The following ADAMTS16 variants were observed in gnomAD, a reference collection of about 807,000 sequenced individuals.
ADAMTS16 encodes the protein A disintegrin and metalloproteinase with thrombospondin motifs 16.
Under a neutral mutation model 145.8 loss-of-function variants are expected in ADAMTS16, and 94 were observed. That is an observed-to-expected ratio of 0.64 (90% CI 0.55 to 0.77). ADAMTS16 has a LOEUF of 0.77. ADAMTS16 is among the 30% of genes least tolerant of loss of function. ADAMTS16 has a pLI of 0.00. For synonymous variants in ADAMTS16, 659 were observed against 604.3 expected (o/e 1.09, Z -1.33); for missense variants, 1,585 against 1,591.5 (o/e 1.00, Z 0.07).
rs1252116720 is a variant in ADAMTS16 at position 5,216,363 on chromosome 5, G to A, written c.1606-6426G>A. 2.7e-5 allele frequency among the ~76,000 whole-genome samples: 4 copies of A among 148,924 alleles called. No individual in the cohort carries two copies. In the East Asian group the frequency reaches 8.0e-4, roughly 30 times the overall value. On this transcript the variant is annotated intron_variant, in intron 10 of 22. Coordinates refer to ENST00000274181, the MANE Select transcript of ADAMTS16 (RefSeq NM_139056.4). Reference sequence around the variant, plus strand: ...CTTCTTTTGAGAATTGTCTATTCATGTCCTTAGCCCATTTTTTTTTTCTTA... The same window carrying A: ...CTTCTTTTGAGAATTGTCTATTCATATCCTTAGCCCATTTTTTTTTTCTTA...
At chr5:5,198,698 T>C (rs528084999) in intron 8 of ADAMTS16, among the ~76,000 whole-genome samples, 23 of 152,216 alleles carry the variant, frequency 1.5e-4, no homozygotes, top group Non-Finnish European at 2.9e-4. Context: ...TTACTATATT[T>C]ACTAGTAATA....
intron 3 of ADAMTS16, among the ~76,000 whole-genome samples, chr5:5,162,371 A>G (rs1237885412): frequency 3.9e-5 from 6 of 152,190 alleles, no homozygotes; most frequent in African/African-American, 1.4e-4. Context: ...ACATCTAACA[A>G]GGGTGAGAGC....
intron 3 of ADAMTS16, among the ~76,000 whole-genome samples, chr5:5,150,702 T>A (rs1734428507): frequency 6.6e-6 from 1 of 152,226 alleles, no homozygotes; most frequent in Non-Finnish European, 1.5e-5. Flanking sequence ...CATTTTGCAG[T>A]CATTCTTGAG....
At chr5:5,315,674 G>A (rs1350105114) in intron 21 of ADAMTS16, among the ~76,000 whole-genome samples, 1 of 152,210 alleles carries the variant, frequency 6.6e-6, no homozygotes, top group East Asian at 1.9e-4. Flanking sequence ...TGTGAGCTAA[G>A]AGGGTGTCTG....
At chr5:5,173,144 G>C (rs1735091994) in intron 3 of ADAMTS16, among the ~76,000 whole-genome samples, 1 of 147,922 alleles carries the variant, frequency 6.8e-6, no homozygotes, top group Non-Finnish European at 1.5e-5. Flanking sequence ...GACTATAGGT[G>C]AAATTACTTG....
At chr5:5,240,702 G>A (rs1247863435) in intron 16 of ADAMTS16, among the ~76,000 whole-genome samples, 2 of 152,104 alleles carry the variant, frequency 1.3e-5, no homozygotes, top group African/African-American at 2.4e-5. Context: ...CGTCTTCCTG[G>A]GAGATGCCTC....
intron 3 of ADAMTS16, among the ~76,000 whole-genome samples, chr5:5,147,304 G>A (rs984300039): frequency 1.3e-5 from 2 of 152,134 alleles, no homozygotes; most frequent in African/African-American, 4.8e-5. Context: ...AAGGTCTTGA[G>A]GATGTTAAAG....
chr5:5,235,493 G>A (rs1258856646), intron 13 of ADAMTS16, among the ~76,000 whole-genome samples: 1 of 152,122 alleles, frequency 6.6e-6, no homozygotes, highest in African/African-American at 2.4e-5. Context: ...AATTGAATCA[G>A]TATGTTTTTG....
At chr5:5,288,545 G>A (rs1043096129) in intron 18 of ADAMTS16, among the ~76,000 whole-genome samples, 2 of 152,086 alleles carry the variant, frequency 1.3e-5, no homozygotes, top group Non-Finnish European at 2.9e-5. Context: ...AAACTTCTCC[G>A]AGTAGATAAT....
At chr5:5,205,621 A>G (rs1736081122) in intron 9 of ADAMTS16, among the ~76,000 whole-genome samples, 1 of 152,088 alleles carries the variant, frequency 6.6e-6, no homozygotes, top group South Asian at 2.1e-4. Flanking sequence ...AGTGTTTTGG[A>G]TTTTCACTAT....
At chr5:5,171,683 T>G (rs904133334) in intron 3 of ADAMTS16, among the ~76,000 whole-genome samples, 50 of 152,302 alleles carry the variant, frequency 3.3e-4, no homozygotes, top group Admixed American at 2.9e-3. Context: ...AATATTTTGT[T>G]GAGGATTTTT....
At chr5:5,307,995 T>C (rs1375452636) in intron 21 of ADAMTS16, among the ~76,000 whole-genome samples, 1 of 152,156 alleles carries the variant, frequency 6.6e-6, no homozygotes, top group African/African-American at 2.4e-5. Flanking sequence ...TGAATGCTGG[T>C]TGCTAAAAAG....
intron 18 of ADAMTS16, among the ~76,000 whole-genome samples, chr5:5,292,456 C>T (rs1356454919): frequency 6.6e-6 from 1 of 151,542 alleles, no homozygotes; most frequent in African/African-American, 2.4e-5. Flanking sequence ...TGAGATTGTG[C>T]CATTGCACTC....
At chr5:5,268,564 G>A (rs760349531) in intron 18 of ADAMTS16, among the ~76,000 whole-genome samples, 27 of 152,138 alleles carry the variant, frequency 1.8e-4, no homozygotes, top group Admixed American at 1.0e-3. Flanking sequence ...TCTCACGCCT[G>A]CCATCAACAA....
chr5:5,224,269 A>G (rs570670123), intron 11 of ADAMTS16, among the ~76,000 whole-genome samples: 1 of 151,614 alleles, frequency 6.6e-6, no homozygotes, highest in East Asian at 2.0e-4. Context: ...ATAATATGTA[A>G]TGGTAATAGC....
At chr5:5,173,120 A>C (rs781018510) in intron 3 of ADAMTS16, among the ~76,000 whole-genome samples, 13 of 147,892 alleles carry the variant, frequency 8.8e-5, no homozygotes, top group Non-Finnish European at 1.9e-4. Context: ...CTTTATTTTT[A>C]GTCACCTATG....
At chr5:5,313,736 C>T (rs1431832722) in intron 21 of ADAMTS16, among the ~76,000 whole-genome samples, 3 of 152,276 alleles carry the variant, frequency 2.0e-5, no homozygotes, top group African/African-American at 7.2e-5. Context: ...CTGCATGAGA[C>T]TGCATTCTGC....
At chr5:5,219,631 G>A (rs562808674) in intron 10 of ADAMTS16, among the ~76,000 whole-genome samples, 2 of 152,294 alleles carry the variant, frequency 1.3e-5, no homozygotes, top group South Asian at 2.1e-4. Context: ...AGACAATACC[G>A]TGGGTTATAT....
At chr5:5,316,663 C>G (rs1734068123) in intron 21 of ADAMTS16, among the ~76,000 whole-genome samples, 2 of 152,160 alleles carry the variant, frequency 1.3e-5, no homozygotes, top group Non-Finnish European at 2.9e-5. Context: ...TGTTGATACT[C>G]CAAGTATTGG....
Sources: gnomAD v4.1 joint callset for allele counts (sites outside exome capture counted in the v4.1 genomes callset) on GRCh38, gnomAD v4.1.1 for gene constraint, MANE v1.5 for transcripts, NCBI Gene and HGNC (gene_info 2026-07-23, HGNC 2026-07-21) for gene names.